CNTN5: variants seen among roughly 807,000 people sequenced by gnomAD.
CNTN5 encodes the protein contactin 5.
Under a neutral mutation model 129.1 loss-of-function variants are expected in CNTN5, and 77 were observed. The observed-to-expected ratio is 0.60, with a 90% CI of 0.50 to 0.72. CNTN5 has a LOEUF of 0.72. Among genes scored for constraint, CNTN5 ranks in the 30% least tolerant of loss-of-function variants. The pLI is 0.00. For synonymous variants in CNTN5, 509 were observed against 465.6 expected (o/e 1.09, Z -1.20); for missense variants, 1,478 against 1,328.8 (o/e 1.11, Z -1.75).
chr11:99,222,357 G>A (rs921400890), intron 1 of CNTN5, among the ~76,000 whole-genome samples: 8 of 151,672 alleles, frequency 5.3e-5, no homozygotes, highest in African/African-American at 1.9e-4. Flanking sequence ...ATGGGGGTTG[G>A]GGGGACAGGA....
intron 2 of CNTN5, among the ~76,000 whole-genome samples, chr11:99,359,785 G>A (rs939220913): frequency 2.6e-5 from 4 of 151,934 alleles, no homozygotes; most frequent in Non-Finnish European, 5.9e-5. Context: ...AGCAAGTTAC[G>A]TGCTTCTGAA....
intron 2 of CNTN5, among the ~76,000 whole-genome samples, chr11:99,401,332 A>T (rs2136211887): frequency 6.6e-6 from 1 of 152,278 alleles, no homozygotes; most frequent in African/African-American, 2.4e-5. Context: ...TTTACTGAAG[A>T]CACTGTCTTT....
At chr11:100,145,193 C>A (rs1031355812) in intron 13 of CNTN5, among the ~76,000 whole-genome samples, 1 of 152,042 alleles carries the variant, frequency 6.6e-6, no homozygotes, top group African/African-American at 2.4e-5. Flanking sequence ...GAAGAGTAGA[C>A]AAAATTACGC....
At chr11:99,937,808 A>C (rs1006916373) in intron 7 of CNTN5, among the ~76,000 whole-genome samples, 3 of 152,180 alleles carry the variant, frequency 2.0e-5, no homozygotes, top group Non-Finnish European at 2.9e-5. Flanking sequence ...CGAGAGTCCT[A>C]AATGTTACAG....
intron 8 of CNTN5, among the ~76,000 whole-genome samples, chr11:99,981,057 TAGAG>T (rs904295792): frequency 8.8e-5 from 10 of 113,372 alleles, no homozygotes; most frequent in Admixed American, 6.2e-4. Context: ...TAGGGTTTTA[TAGAG>T]AGAAAGAGCC....
intron 2 of CNTN5, among the ~76,000 whole-genome samples, chr11:99,326,382 C>T (rs1020434725): frequency 6.6e-6 from 1 of 152,152 alleles, no homozygotes; most frequent in African/African-American, 2.4e-5. Context: ...TATCCTTTAA[C>T]TTGTTAGGTT....
At chr11:99,227,992 T>G (rs1290398208) in intron 1 of CNTN5, among the ~76,000 whole-genome samples, 2 of 152,166 alleles carry the variant, frequency 1.3e-5, no homozygotes, top group African/African-American at 2.4e-5. Flanking sequence ...TAATGTAACA[T>G]TAATTCTTAT....
chr11:99,832,789 T>C (rs769889854), intron 4 of CNTN5, among the ~76,000 whole-genome samples: 1 of 152,162 alleles, frequency 6.6e-6, no homozygotes, highest in Non-Finnish European at 1.5e-5. Flanking sequence ...TAAAATTTTA[T>C]TGGGCATGAT....
chr11:100,304,211 C>T (rs977204852), intron 20 of CNTN5, among the ~76,000 whole-genome samples: 1 of 151,570 alleles, frequency 6.6e-6, no homozygotes, highest in Admixed American at 6.6e-5. Flanking sequence ...CCCAAGATTA[C>T]AGTGAAGGAG....
At chr11:99,048,754 T>C (rs867302712) in intron 1 of CNTN5, among the ~76,000 whole-genome samples, 1 of 152,142 alleles carries the variant, frequency 6.6e-6, no homozygotes, top group Non-Finnish European at 1.5e-5. Context: ...GACAAGAAAT[T>C]CAAGAGGACC....
At chr11:100,002,512 C>T (rs904485031) in intron 9 of CNTN5, among the ~76,000 whole-genome samples, 2 of 152,072 alleles carry the variant, frequency 1.3e-5, no homozygotes, top group Admixed American at 6.6e-5. Context: ...GATGTAGATT[C>T]TTATAAGACA....
Position 99,734,335 on chromosome 11 carries a change from C to G in CNTN5, c.56-85209C>G, listed in dbSNP as rs191756376. Among the ~76,000 whole-genome samples the G allele has an allele frequency of 3.0e-3, 453 of 152,272 alleles. 6 individuals carry two copies. The highest frequency in any genetic ancestry group is 0.01 in the African/African-American group (436 of 41,562). On this transcript the variant is annotated intron_variant, in intron 3 of 24. Coordinates refer to ENST00000524871, the MANE Select transcript of CNTN5 (RefSeq NM_014361.4). ...TGTCAAATACTAGATCTTATTCATT[C>G]TATCTAACTGTATTTTGTAAGCATT...
At chr11:100,162,394 T>A (rs1947486114) in intron 13 of CNTN5, among the ~76,000 whole-genome samples, 1 of 151,976 alleles carries the variant, frequency 6.6e-6, no homozygotes, top group Non-Finnish European at 1.5e-5. Flanking sequence ...TAATACTAGT[T>A]ATTGTATTTG....
chr11:99,044,225 A>G (rs1036207064), intron 1 of CNTN5, among the ~76,000 whole-genome samples: 1 of 152,208 alleles, frequency 6.6e-6, no homozygotes, highest in Admixed American at 6.5e-5. Context: ...CCTGCAAATC[A>G]TATCTAAGTA....
intron 1 of CNTN5, among the ~76,000 whole-genome samples, chr11:99,069,532 T>C (rs1160286261): frequency 1.3e-5 from 2 of 152,162 alleles, no homozygotes; most frequent in Non-Finnish European, 2.9e-5. Flanking sequence ...GGCGAATGCA[T>C]TGCAATGTGA....
At chr11:99,931,985 A>G (rs1427429849) in intron 7 of CNTN5, among the ~76,000 whole-genome samples, 1 of 152,130 alleles carries the variant, frequency 6.6e-6, no homozygotes, top group Non-Finnish European at 1.5e-5. Context: ...TCACCTGTAA[A>G]TTAACTTTAA....
intron 2 of CNTN5, among the ~76,000 whole-genome samples, chr11:99,479,718 G>A (rs1159191215): frequency 1.3e-5 from 2 of 151,842 alleles, no homozygotes; most frequent in Non-Finnish European, 2.9e-5. Flanking sequence ...CTAAATATGT[G>A]TAATAATACT....
rs1475674863 is a variant in CNTN5 at position 99,576,446 on chromosome 11, A to AGG, written c.55+20177_55+20178insGG. 5.9e-5 allele frequency among the ~76,000 whole-genome samples: 9 copies of AGG among 152,276 alleles called. No individual in the cohort carries two copies. The East Asian group carries it at 1.7e-3, about 29-fold the overall frequency. On this transcript the variant is annotated intron_variant, in intron 3 of 24. Transcript: ENST00000524871. ...GGATATTTTCTCCTTATTGACATAT[A>AGG]ACCCTTTTGGTAGCCTTTCATTGAT...
intron 21 of CNTN5, among the ~76,000 whole-genome samples, chr11:100,327,070 A>T (rs1951804595): frequency 6.6e-6 from 1 of 152,242 alleles, no homozygotes; most frequent in Admixed American, 6.5e-5. Flanking sequence ...AACAAAAGGA[A>T]GTTTTTAACA....
Sources: allele counts gnomAD v4.1 joint callset (sites outside exome capture counted in the v4.1 genomes callset), GRCh38; gene constraint gnomAD v4.1.1; transcripts MANE v1.5; gene names NCBI Gene and HGNC (gene_info 2026-07-23, HGNC 2026-07-21).